Variants in IMMP2L observed in about 807,000 individuals in gnomAD.
The protein encoded by IMMP2L is mitochondrial inner membrane protease subunit 2.
Under a neutral mutation model 19.3 loss-of-function variants are expected in IMMP2L, and 18 were observed. That is an observed-to-expected ratio of 0.93 (90% CI 0.64 to 1.38). The LOEUF (loss-of-function observed/expected upper bound fraction) is 1.38, where lower values mean the gene tolerates loss of function less well. IMMP2L is among the 40% of genes most tolerant of loss of function. The pLI is 0.00. For synonymous variants in IMMP2L, 76 were observed against 73.0 expected (o/e 1.04, Z -0.21); for missense variants, 233 against 218.2 (o/e 1.07, Z -0.43).
chr7:110,828,637 T>C (rs985256169), intron 5 of IMMP2L, among the ~76,000 whole-genome samples: 6 of 152,104 alleles, frequency 3.9e-5, no homozygotes, highest in Non-Finnish European at 5.9e-5. Flanking sequence ...GAAATGTATA[T>C]GTCAAATGAA....
chr7:111,481,892 TA>T (rs1476680366), intron 3 of IMMP2L, among the ~76,000 whole-genome samples: 3 of 152,178 alleles, frequency 2.0e-5, no homozygotes, highest in Non-Finnish European at 4.4e-5. Context: ...CTACTAGGCA[TA>T]TTTAAAAAGG....
intron 3 of IMMP2L, among the ~76,000 whole-genome samples, chr7:111,048,422 G>A (rs1403099779): frequency 6.6e-6 from 1 of 151,976 alleles, no homozygotes; most frequent in South Asian, 2.1e-4. Flanking sequence ...AATCCTTCTG[G>A]AACTGATTCA....
At chr7:111,428,790 C>T (rs1836339496) in intron 3 of IMMP2L, among the ~76,000 whole-genome samples, 1 of 151,766 alleles carries the variant, frequency 6.6e-6, no homozygotes, top group South Asian at 2.1e-4. Flanking sequence ...ATTATACAAC[C>T]ACAAACAAAT....
At chr7:110,929,358 T>C (rs1332079087) in intron 4 of IMMP2L, among the ~76,000 whole-genome samples, 6 of 152,146 alleles carry the variant, frequency 3.9e-5, no homozygotes, top group Admixed American at 2.0e-4. Flanking sequence ...GATATTTCCC[T>C]CCGTTTGAGA....
intron 5 of IMMP2L, among the ~76,000 whole-genome samples, chr7:110,884,674 T>C (rs1810025607): frequency 6.6e-6 from 1 of 152,216 alleles, no homozygotes; most frequent in South Asian, 2.1e-4. Flanking sequence ...GTAATCTTTT[T>C]CACTTGCGAG....
At chr7:111,281,164 A>AGACAGAC (rs1819718951) in intron 3 of IMMP2L, among the ~76,000 whole-genome samples, 1 of 22,742 alleles carries the variant, frequency 4.4e-5, no homozygotes, top group African/African-American at 1.2e-4. Flanking sequence ...GACAGAAAGA[A>AGACAGAC]AGAAAGAAAG....
chr7:110,809,821 C>T (rs1801901346), intron 5 of IMMP2L, among the ~76,000 whole-genome samples: 1 of 151,948 alleles, frequency 6.6e-6, no homozygotes, highest in Non-Finnish European at 1.5e-5. Context: ...TATTCTGAAG[C>T]CCTACTATCC....
At chr7:111,437,983 G>C (rs145017940) in intron 3 of IMMP2L, among the ~76,000 whole-genome samples, 1 of 151,762 alleles carries the variant, frequency 6.6e-6, no homozygotes, top group Non-Finnish European at 1.5e-5. Context: ...CTCTAGGCAT[G>C]CATGCCAGGA....
At chr7:110,746,930 C>T (rs1186433717) in intron 5 of IMMP2L, among the ~76,000 whole-genome samples, 4 of 151,924 alleles carry the variant, frequency 2.6e-5, no homozygotes, top group African/African-American at 9.7e-5. Context: ...GACAGAGACA[C>T]AAAAAACCCT....
intron 5 of IMMP2L, among the ~76,000 whole-genome samples, chr7:110,833,291 T>C (rs1767006646): frequency 6.6e-6 from 1 of 151,670 alleles, no homozygotes; most frequent in Non-Finnish European, 1.5e-5. Context: ...ATACAAAAAG[T>C]AGCAGGGTGT....
chr7:110,745,023 G>A (rs907513713), intron 5 of IMMP2L, among the ~76,000 whole-genome samples: 1 of 152,198 alleles, frequency 6.6e-6, no homozygotes, highest in African/African-American at 2.4e-5. Flanking sequence ...TAAACGAATT[G>A]CTAACTAGAA....
chr7:111,313,887 C>T (rs562586899), intron 3 of IMMP2L, among the ~76,000 whole-genome samples: 36 of 152,128 alleles, frequency 2.4e-4, no homozygotes, highest in Middle Eastern at 3.4e-3. Context: ...GTGTTTGGAT[C>T]CCAGGGGTGT....
intron 3 of IMMP2L, among the ~76,000 whole-genome samples, chr7:111,384,858 T>C (rs1831576903): frequency 6.6e-6 from 1 of 152,146 alleles, no homozygotes; most frequent in African/African-American, 2.4e-5. Context: ...AATACATAAA[T>C]TGTACTAAAT....
At chr7:111,501,639 A>G (rs2132445630) in intron 2 of IMMP2L, among the ~76,000 whole-genome samples, 1 of 152,336 alleles carries the variant, frequency 6.6e-6, no homozygotes, top group African/African-American at 2.4e-5. Flanking sequence ...CAGAAACTCT[A>G]CAAGCCAGAA....
intron 3 of IMMP2L, among the ~76,000 whole-genome samples, chr7:111,162,975 G>A (rs1805433214): frequency 6.6e-6 from 1 of 152,038 alleles, no homozygotes; most frequent in Admixed American, 6.6e-5. Context: ...AGGAGAACTT[G>A]CTGTTTGTTT....
rs564415284 is a variant in IMMP2L, at chr7:111,208,027, C to T, written c.240-244462G>A. On this transcript the variant is annotated intron_variant, in intron 3 of 5. Transcript: ENST00000405709. ...CTACTGCTCTCAGTTCAAAAGACCC[C>T]CTACCAAACAAACTATTATTAGCTT... is the stretch of plus-strand genomic sequence containing the variant. Among the ~76,000 whole-genome samples, 3 of 152,196 alleles carry T rather than the reference C, an allele frequency of 2.0e-5. No individual in the cohort carries two copies. In the East Asian group the frequency reaches 5.8e-4, roughly 29 times the overall value.
At chr7:111,036,034 T>C (rs1356466003) in intron 3 of IMMP2L, among the ~76,000 whole-genome samples, 1 of 152,204 alleles carries the variant, frequency 6.6e-6, no homozygotes, top group Non-Finnish European at 1.5e-5. Context: ...CATAGGAAGT[T>C]CTATAACTTT....
chr7:111,251,609 T>G (rs1427648210), intron 3 of IMMP2L, among the ~76,000 whole-genome samples: 1 of 152,140 alleles, frequency 6.6e-6, no homozygotes, highest in African/African-American at 2.4e-5. Flanking sequence ...TGGATGGAGC[T>G]GGAAGCAGTT....
intron 3 of IMMP2L, among the ~76,000 whole-genome samples, chr7:111,233,620 A>G (rs1243496902): frequency 1.3e-5 from 2 of 152,116 alleles, no homozygotes; most frequent in East Asian, 3.8e-4. Context: ...CCAAAATACG[A>G]ATTTTAAATT....
Sources: allele counts gnomAD v4.1 joint callset (sites outside exome capture counted in the v4.1 genomes callset), GRCh38; gene constraint gnomAD v4.1.1; transcripts MANE v1.5; gene names NCBI Gene and HGNC (gene_info 2026-07-23, HGNC 2026-07-21).